The following COPB2 variants were observed in gnomAD, a reference collection of about 807,000 sequenced individuals.
COPB2 encodes coatomer subunit beta'.
COPB2 carries 16 observed loss-of-function variants against 120.8 expected under a neutral mutation model. The observed-to-expected ratio is 0.13, with a 90% CI of 0.09 to 0.20. The LOEUF (loss-of-function observed/expected upper bound fraction) is 0.20. Among genes scored for constraint, COPB2 ranks in the 10% least tolerant of loss-of-function variants. The pLI, the probability that COPB2 is intolerant of heterozygous loss-of-function variation, is 1.00. For synonymous variants in COPB2, 332 were observed against 366.3 expected (o/e 0.91, Z 1.07); for missense variants, 794 against 1,076.5 (o/e 0.74, Z 3.67).
intron 9 of COPB2, among the ~76,000 whole-genome samples, 186 bp downstream of exon 9, chr3:139,373,027 C>A (rs1039929327): frequency 6.6e-6 from 1 of 152,154 alleles, no homozygotes; most frequent in Admixed American, 6.5e-5. Context: ...AAACATGCTC[C>A]ATCTTTTGTG....
intron 11 of COPB2, 21 bp downstream of exon 11, chr3:139,369,435 T>C (rs201076692): frequency 1.9e-6 from 3 of 1,605,932 alleles, no homozygotes; most frequent in Non-Finnish European, 2.6e-6. Context: ...TAAAAATGTA[T>C]CATATGTAGA....
chr3:139,378,102 A>G lies in COPB2; in HGVS notation c.443T>C (p.Ile148Thr). ...FEGHTHYVMQ[I>T]VINPKDNNQF... Reference sequence around the variant, plus strand: ...ATTGTTATCTTTGGGGTTGATCACAATCTGCATAACATAATGGGTGTGTCC... The same window carrying G: ...ATTGTTATCTTTGGGGTTGATCACAGTCTGCATAACATAATGGGTGTGTCC... The change falls in exon 5 of 22, where the codon ATT (isoleucine) becomes ACT (threonine). Residue 148 changes from isoleucine to threonine, a missense_variant. Physicochemically the swap from Ile to Thr is moderately conservative, Grantham distance 89 (BLOSUM62 -1). Coordinates refer to ENST00000333188, the MANE Select transcript of COPB2 (RefSeq NM_004766.3). The G allele has an allele frequency of 6.3e-7, 1 of 1,591,596 alleles. No homozygotes were observed. Among genetic ancestry groups the G allele is most frequent in the Non-Finnish European group, 8.6e-7 (1 of 1,163,546 alleles).
intron 2 of COPB2, chr3:139,382,774 A>C (rs569335306): frequency 5.9e-6 from 1 of 170,724 alleles, no homozygotes; most frequent in Non-Finnish European, 1.2e-5. Flanking sequence ...AATTTGAAGG[A>C]TATGTTATTT....
At chr3:139,383,091 T>C (rs1198616187) in intron 2 of COPB2, 1 of 581,430 alleles carries the variant, frequency 1.7e-6, no homozygotes, top group African/African-American at 1.9e-5. Flanking sequence ...TATATTTAAA[T>C]ATTGTATATA....
At chr3:139,363,185 A>G (rs1344532343) in intron 15 of COPB2, among the ~76,000 whole-genome samples, 3 of 152,170 alleles carry the variant, frequency 2.0e-5, no homozygotes, top group Non-Finnish European at 4.4e-5. Flanking sequence ...TTTCCTTCCC[A>G]TGCTCCATTA....
chr3:139,389,160 G>A (rs902331979), intron 1 of COPB2, among the ~76,000 whole-genome samples: 7 of 152,152 alleles, frequency 4.6e-5, no homozygotes, highest in Non-Finnish European at 8.8e-5. Flanking sequence ...CCCAGAATAA[G>A]CCCAACAGGA....
intron 16 of COPB2, among the ~76,000 whole-genome samples, chr3:139,361,573 A>G (rs1428269866): frequency 6.6e-6 from 1 of 152,216 alleles, no homozygotes; most frequent in African/African-American, 2.4e-5. Context: ...GGGAAAGTAA[A>G]ACCATCTCAC....
intron 1 of COPB2, among the ~76,000 whole-genome samples, chr3:139,384,324 T>TA (rs144375610): frequency 6.6e-6 from 1 of 152,176 alleles, no homozygotes. Context: ...GATACTGTAT[T>TA]AAAAAAATTA....
chr3:139,370,692 G>A (rs1483326675), intron 10 of COPB2, among the ~76,000 whole-genome samples: 2 of 152,092 alleles, frequency 1.3e-5, no homozygotes, highest in Non-Finnish European at 2.9e-5. Flanking sequence ...GATTGTCTGA[G>A]GAAGTGATGT....
intron 2 of COPB2, 41 bp from the exon 3 acceptor site, chr3:139,379,507 A>C: frequency 6.6e-7 from 1 of 1,513,204 alleles, no homozygotes; most frequent in Non-Finnish European, 9.2e-7. Flanking sequence ...AGCTATAAGA[A>C]AATAACCACA....
chr3:139,374,395 T>G (rs1394239527), intron 7 of COPB2, 94 bp downstream of exon 7: 1 of 1,035,268 alleles, frequency 9.7e-7, no homozygotes, highest in Non-Finnish European at 1.5e-6. Context: ...TCAAAATCCT[T>G]GGAAACCTAC....
intron 20 of COPB2, 51 bp downstream of exon 20, chr3:139,358,693 A>G: frequency 7.5e-7 from 1 of 1,336,162 alleles, no homozygotes; most frequent in South Asian, 1.2e-5. Context: ...AAGAAAAAAA[A>G]AAAAAGTGAA....
chr3:139,386,379 G>A (rs1179565310), intron 1 of COPB2, among the ~76,000 whole-genome samples: 3 of 151,746 alleles, frequency 2.0e-5, no homozygotes, highest in Admixed American at 6.6e-5. Context: ...TCAGCCTCCC[G>A]AGTAGCTGGG....
chr3:139,368,146 T>A lies in COPB2; in HGVS notation c.1544A>T (p.Glu515Val). ...VTEDGIEDAFEVLGEIQEIVK... is the reference protein window; with the variant it reads ...VTEDGIEDAFVVLGEIQEIVK... The stretch of plus-strand genomic sequence containing the variant: ...CGAAAGTTGTGCTGATGCAATTACC[T>A]CAAAGGCATCTTCAATGCCATCTTC... The change falls in exon 13 of 22, where the codon GAG becomes GTG. Residue 515 changes from glutamate to valine, a missense_variant and splice_region_variant. Physicochemically the swap from Glu to Val is moderately radical, Grantham distance 121 (BLOSUM62 -2). Transcript: ENST00000333188. The A allele has an allele frequency of 6.2e-7, 1 of 1,612,474 alleles. No individual in the cohort carries two copies. The highest frequency in any genetic ancestry group is 8.5e-7 in the Non-Finnish European group (1 of 1,179,362).
Position 139,366,748 on chromosome 3 carries a change from A to G in COPB2, c.1704T>C (p.Pro568=), listed in dbSNP as rs370162853. 11 of 1,613,910 alleles carry G rather than the reference A, an allele frequency of 6.8e-6. No homozygotes were observed. Among genetic ancestry groups the G allele is most frequent in the Admixed American group, 3.3e-5 (2 of 59,984 alleles). The change falls in exon 15 of 22, where the codon CCT becomes CCC. Residue 568 remains proline (P), a synonymous_variant. Coordinates refer to ENST00000333188, the MANE Select transcript of COPB2 (RefSeq NM_004766.3). ...CCCCCAGATAAAGCCTGTTGTCTTT[A>G]GGAATGTAGCCTAGGAGATACATCG... ...DRTMYLLGYI[P]KDNRLYLGDK...
At chr3:139,382,291 T>A (rs1941830252) in intron 2 of COPB2, 1 of 152,214 alleles carries the variant, frequency 6.6e-6, no homozygotes, top group South Asian at 2.1e-4. Flanking sequence ...CACTTCCCAC[T>A]TTGCTCTCTC....
intron 5 of COPB2, among the ~76,000 whole-genome samples, chr3:139,376,971 G>A (rs1010886330): frequency 4.6e-5 from 7 of 152,172 alleles, no homozygotes; most frequent in South Asian, 2.1e-4. Context: ...GGATGGTCTC[G>A]ATCTCCTGAC....
chr3:139,363,780 G>A (rs1576370617), intron 15 of COPB2, among the ~76,000 whole-genome samples: 1 of 152,150 alleles, frequency 6.6e-6, no homozygotes, highest in South Asian at 2.1e-4. Context: ...AGTTTGAAAT[G>A]TTTTAACTTC....
At chr3:139,360,937 A>G in intron 17 of COPB2, 144 bp downstream of exon 17, 1 of 812,358 alleles carries the variant, frequency 1.2e-6, no homozygotes, top group Non-Finnish European at 2.0e-6. Context: ...AGTGCCACCA[A>G]GGCAGCACTG....
Sources: allele counts gnomAD v4.1 joint callset (sites outside exome capture counted in the v4.1 genomes callset), GRCh38; gene constraint gnomAD v4.1.1; transcripts MANE v1.5; gene names NCBI Gene and HGNC (gene_info 2026-07-23, HGNC 2026-07-21).